Variants in SEC24A observed in about 807,000 individuals in gnomAD.
SEC24A encodes the protein protein transport protein Sec24A.
A neutral mutation model predicts 129.4 loss-of-function variants in SEC24A; 93 were observed. The observed-to-expected ratio is 0.72, with a 90% CI of 0.61 to 0.85. The LOEUF is 0.85. Ranked by LOEUF, SEC24A falls within the 40% of genes least tolerant of loss-of-function variation. SEC24A has a pLI of 0.00. For missense variants in SEC24A, 1,264 were observed against 1,307.4 expected (o/e 0.97, Z 0.51); for synonymous variants, 460 against 467.3 (o/e 0.98, Z 0.20).
chr5:134,720,029 C>T (rs887216639), intron 20 of SEC24A, among the ~76,000 whole-genome samples: 4 of 152,014 alleles, frequency 2.6e-5, no homozygotes, highest in Middle Eastern at 3.2e-3. Flanking sequence ...TAGTAAACTA[C>T]GATTAATTAT....
Position 134,715,542 on chromosome 5 carries a change from C to T in SEC24A, c.2865+381C>T, listed in dbSNP as rs765932658. 1.8e-5 allele frequency: 3 copies of T among 167,508 alleles called. No homozygotes were observed. In the East Asian group the frequency reaches 5.6e-4, roughly 31 times the overall value. 10.4% of individuals were successfully genotyped at this position (167,508 alleles called of 1,614,324 possible). A position where few individuals can be genotyped will look rare whatever the true frequency, so the allele number is the denominator to read the frequency against. On this transcript the variant is annotated intron_variant, in intron 19 of 22. Coordinates refer to ENST00000398844, the MANE Select transcript of SEC24A (RefSeq NM_021982.3). ...AATGATACAGAGAAGATTAGCATGC[C>T]CCTTGTACAAGGATGACACACAAAT...
chr5:134,702,076 G>A (rs1387079143), intron 15 of SEC24A, among the ~76,000 whole-genome samples: 2 of 152,092 alleles, frequency 1.3e-5, no homozygotes, highest in African/African-American at 4.8e-5. Flanking sequence ...AAAGCAGTGA[G>A]GAATTATACC....
intron 3 of SEC24A, among the ~76,000 whole-genome samples, chr5:134,667,711 C>T (rs1750716330): frequency 2.0e-5 from 3 of 148,986 alleles, no homozygotes; most frequent in Admixed American, 1.3e-4. Flanking sequence ...CCACTATTAT[C>T]GTAAATGTTA....
intron 12 of SEC24A, chr5:134,693,086 T>A (rs1751711892): frequency 4.0e-6 from 6 of 1,510,804 alleles, no homozygotes; most frequent in Non-Finnish European, 4.4e-6. Context: ...GAAATTGCCA[T>A]GAGATAATAC....
At chr5:134,677,243 G>T (rs939536896) in intron 7 of SEC24A, among the ~76,000 whole-genome samples, 1 of 152,050 alleles carries the variant, frequency 6.6e-6, no homozygotes, top group Admixed American at 6.6e-5. Context: ...CCAGGAGGTT[G>T]AGGCTGCAGT....
At position 134,727,575 on chromosome 5, in the gene SEC24A, AG is replaced by A. The variant is rs1427263241; in HGVS notation, c.*2485del. 10 of 152,612 alleles carry A rather than the reference AG, an allele frequency of 6.6e-5. No homozygotes were observed. The highest frequency in any genetic ancestry group is 5.9e-4 in the Admixed American group (9 of 15,266). 9.5% of individuals were successfully genotyped at this position (152,612 alleles called of 1,614,324 possible). A position where few individuals can be genotyped will look rare whatever the true frequency, so the allele number is the denominator to read the frequency against. ...CAAAGATGCATAACAGCTATTATCT[AG>A]GGGACCACCAAATGTGATTTCAAAA... On this transcript the variant is annotated 3_prime_UTR_variant, in exon 23 of 23. Coordinates refer to ENST00000398844, the MANE Select transcript of SEC24A (RefSeq NM_021982.3).
rs936608701 is a variant in SEC24A, at chr5:134,725,739, T to C, written c.*645T>C. 1 of 152,548 alleles carries C rather than the reference T, an allele frequency of 6.6e-6. No individual in the cohort carries two copies. The highest frequency in any genetic ancestry group is 1.5e-5 in the Non-Finnish European group (1 of 67,974). 9.4% of individuals were successfully genotyped at this position (152,548 alleles called of 1,614,324 possible). A position where few individuals can be genotyped will look rare whatever the true frequency, so the allele number is the denominator to read the frequency against. ...TTATGCTTGAAGAACAAAGTCACTT[T>C]GATTTGAAGTGAGAACTATCATTAG... On this transcript the variant is annotated 3_prime_UTR_variant, in exon 23 of 23. Transcript: ENST00000398844.
chr5:134,709,024 GGT>G, intron 18 of SEC24A, 136 bp downstream of exon 18: 1 of 763,420 alleles, frequency 1.3e-6, no homozygotes, highest in Non-Finnish European at 2.1e-6. Flanking sequence ...TGGGCAATAT[GGT>G]GAAACCTGGT....
intron 9 of SEC24A, among the ~76,000 whole-genome samples, chr5:134,686,139 C>T (rs1217881138): frequency 6.6e-6 from 1 of 151,922 alleles, no homozygotes; most frequent in Non-Finnish European, 1.5e-5. Context: ...ATCAATAAAA[C>T]ACAAAATATT....
rs376162428 is a variant in SEC24A, at chr5:134,679,572, A to G, written c.1255-30A>G. The G allele has an allele frequency of 3.6e-5, 54 of 1,518,446 alleles. No individual in the cohort carries two copies. In the African/African-American group the frequency reaches 5.7e-4, roughly 16 times the overall value. 94.1% of individuals were successfully genotyped at this position (1,518,446 alleles called of 1,614,324 possible). A position where few individuals can be genotyped will look rare whatever the true frequency, so the allele number is the denominator to read the frequency against. On this transcript the variant is annotated intron_variant, in intron 7 of 22. Coordinates refer to ENST00000398844, the MANE Select transcript of SEC24A (RefSeq NM_021982.3). ...TTTCAACATGATGATTTTTGCCTTT[A>G]AAAATTTAATTCTGTTTTTTTTTTT...
chr5:134,649,163 C>T lies in SEC24A; in HGVS notation c.87C>T (p.Pro29=), dbSNP rs1250503921. The T allele has an allele frequency of 6.2e-7, 1 of 1,607,052 alleles. No homozygotes were observed. Among genetic ancestry groups the T allele is most frequent in the Non-Finnish European group, 8.5e-7 (1 of 1,176,756 alleles). ...QNGAALASGS[P]YTNGPVQNAL... is the part of the protein sequence containing the mutation. Reference sequence around the variant, plus strand: ...GAGCCGCCTTGGCCTCGGGGTCTCCCTACACCAACGGTGAGTGCTGTCCGG... The same window carrying T: ...GAGCCGCCTTGGCCTCGGGGTCTCCTTACACCAACGGTGAGTGCTGTCCGG... The change falls in exon 1 of 23, where the codon CCC becomes CCT. Residue 29 remains proline (P), a synonymous_variant. Transcript: ENST00000398844.
chr5:134,669,045 C>T (rs1036029494), intron 3 of SEC24A, among the ~76,000 whole-genome samples: 5 of 151,372 alleles, frequency 3.3e-5, no homozygotes, highest in African/African-American at 7.3e-5. Context: ...GTACTCCAGC[C>T]TGGGTGACAG....
Position 134,661,339 on chromosome 5 carries a change from C to T in SEC24A, c.318C>T (p.Pro106=), listed in dbSNP as rs765462748. 6.2e-7 allele frequency: 1 copy of T among 1,614,176 alleles called. No homozygotes were observed. Among genetic ancestry groups the T allele is most frequent in the Admixed American group, 1.7e-5 (1 of 60,004 alleles). ...CTTCGCTTCATAGTGGTCCTGCTCC[C>T]CGAATGCCATTACCTGCTTCTCAGA... ...VTPSLHSGPA[P]RMPLPASQNP... Residue 106 remains proline (P), a synonymous_variant, in exon 2 of 23, where the codon CCC becomes CCT. Coordinates refer to ENST00000398844, the MANE Select transcript of SEC24A (RefSeq NM_021982.3).
intron 4 of SEC24A, 63 bp from the exon 5 acceptor site, chr5:134,674,552 T>A: frequency 2.0e-6 from 3 of 1,483,324 alleles, no homozygotes; most frequent in Non-Finnish European, 2.7e-6. Context: ...AATGTTTTTT[T>A]AAAATAAATA....
chr5:134,703,848 G>A lies in SEC24A; in HGVS notation c.2356G>A (p.Ala786Thr). 6.2e-7 allele frequency: 1 copy of A among 1,612,170 alleles called. No individual in the cohort carries two copies. The highest frequency in any genetic ancestry group is 8.5e-7 in the Non-Finnish European group (1 of 1,178,254). ...LPNVNPDAGY[A>T]VQMSVEESLT... is the part of the protein sequence containing the mutation. ...TAACGTCAACCCAGACGCTGGGTAT[G>A]CAGTACAGATGTCAGTGGAAGAGAG... Residue 786 changes from alanine to threonine, a missense_variant, in exon 16 of 23, where the codon GCA (alanine) becomes ACA (threonine). By Grantham distance (58) the Ala-to-Thr change is moderately conservative. Coordinates refer to ENST00000398844, the MANE Select transcript of SEC24A (RefSeq NM_021982.3).
chr5:134,713,685 C>A (rs1354524343), intron 18 of SEC24A, among the ~76,000 whole-genome samples: 1 of 151,968 alleles, frequency 6.6e-6, no homozygotes, highest in Non-Finnish European at 1.5e-5. Context: ...TTTCATTATT[C>A]TTTTCTCTCT....
intron 15 of SEC24A, among the ~76,000 whole-genome samples, chr5:134,699,136 C>T (rs1353604258): frequency 6.6e-6 from 1 of 151,870 alleles, no homozygotes; most frequent in Non-Finnish European, 1.5e-5. Flanking sequence ...CCCTATGTTG[C>T]CCAGGCTGGT....
In SEC24A at chr5:134,688,094, T is replaced by C. The variant is rs1751509561; in HGVS notation, c.1605-87T>C. On this transcript the variant is annotated intron_variant, in intron 10 of 22. Transcript: ENST00000398844. ...CCAATTTCTATAATATTGAATTAGA[T>C]ATTTTCATGTAACTCTTAGGACATA... The C allele has an allele frequency of 7.5e-6, 6 of 802,622 alleles. No homozygotes were observed. In the South Asian group the frequency reaches 8.7e-5, roughly 12 times the overall value. The allele number at this position is 802,622 out of a possible 1,614,324, so 49.7% of individuals were successfully genotyped here.
intron 9 of SEC24A, among the ~76,000 whole-genome samples, chr5:134,683,384 C>T (rs1233220620): frequency 1.3e-5 from 2 of 151,968 alleles, no homozygotes. Flanking sequence ...TTCCTTCATA[C>T]AAATTTTTTT....
Sources: gnomAD v4.1 joint callset for allele counts (sites outside exome capture counted in the v4.1 genomes callset) on GRCh38, gnomAD v4.1.1 for gene constraint, MANE v1.5 for transcripts, NCBI Gene and HGNC (gene_info 2026-07-23, HGNC 2026-07-21) for gene names.